The following GRIN3A variants were observed in gnomAD, a reference collection of about 807,000 sequenced individuals.
GRIN3A encodes the protein glutamate ionotropic receptor NMDA type subunit 3A.
In GRIN3A, 47 loss-of-function variants were observed where a neutral mutation model predicts 92.4. That is an observed-to-expected ratio of 0.51 (90% CI 0.40 to 0.65). The LOEUF (loss-of-function observed/expected upper bound fraction) is 0.65. Among genes scored for constraint, GRIN3A ranks in the 30% least tolerant of loss-of-function variants. The pLI, the probability that GRIN3A is intolerant of heterozygous loss-of-function variation, is 0.00. For missense variants in GRIN3A, 1,324 were observed against 1,393.1 expected, an observed-to-expected ratio of 0.95 and a Z score of 0.79; for synonymous variants, 527 against 540.6, an observed-to-expected ratio of 0.97 and a Z score of 0.35.
intron 3 of GRIN3A, among the ~76,000 whole-genome samples, chr9:101,656,555 C>T (rs146703817): frequency 1.3e-5 from 2 of 151,836 alleles, no homozygotes; most frequent in South Asian, 4.1e-4. Flanking sequence ...AGCTTTGCTT[C>T]TCTGATTGTA....
Position 101,572,810 on chromosome 9 carries a change from G to T in GRIN3A, c.*364C>A. 3.5e-6 allele frequency: 1 copy of T among 283,148 alleles called. No individual in the cohort carries two copies. The highest frequency in any genetic ancestry group is 6.9e-6 in the Non-Finnish European group (1 of 144,274). The allele number at this position is 283,148 out of a possible 1,614,324, so 17.5% of individuals were successfully genotyped here. A position where few individuals can be genotyped will look rare whatever the true frequency, so the allele number is the denominator to read the frequency against. On this transcript the variant is annotated 3_prime_UTR_variant, in exon 9 of 9. Transcript: ENST00000361820. ...CAGCAACCCAGTAAGACATAAGTGT[G>T]AGTAACAATTTTATCTCTTGTTGGT...
At chr9:101,633,764 A>C (rs549257743) in intron 3 of GRIN3A, among the ~76,000 whole-genome samples, 1 of 152,006 alleles carries the variant, frequency 6.6e-6, no homozygotes, top group African/African-American at 2.4e-5. Context: ...ATCCATGAAA[A>C]AATTGTCCAC....
chr9:101,594,678 A>T, intron 6 of GRIN3A: 2 of 1,614,122 alleles, frequency 1.2e-6, no homozygotes, highest in South Asian at 2.2e-5. Context: ...TTGACGCTGA[A>T]CTGGGAGGTC....
chr9:101,735,661 G>C (rs1398996398), intron 1 of GRIN3A, among the ~76,000 whole-genome samples: 1 of 151,874 alleles, frequency 6.6e-6, no homozygotes. Flanking sequence ...AAGAAGCAAT[G>C]ATAAGAAGCA....
chr9:101,631,973 A>G (rs1828721571), intron 3 of GRIN3A, among the ~76,000 whole-genome samples: 1 of 152,096 alleles, frequency 6.6e-6, no homozygotes. Flanking sequence ...TGGCTCCCCC[A>G]TGGCCCTTGG....
chr9:101,698,966 C>T (rs2118996981), intron 1 of GRIN3A, among the ~76,000 whole-genome samples: 1 of 152,222 alleles, frequency 6.6e-6, no homozygotes, highest in South Asian at 2.1e-4. Context: ...CTGCGCCTGG[C>T]CTACACTAAA....
At chr9:101,671,145 A>T in intron 2 of GRIN3A, 38 bp from the exon 3 acceptor site, 1 of 1,389,074 alleles carries the variant, frequency 7.2e-7, no homozygotes, top group African/African-American at 1.4e-5. Context: ...TAAGAAAAGC[A>T]GTGAGGCCTA....
At chr9:101,580,406 C>T (rs545418730) in intron 6 of GRIN3A, among the ~76,000 whole-genome samples, 9 of 152,156 alleles carry the variant, frequency 5.9e-5, no homozygotes, top group African/African-American at 7.2e-5. Context: ...TCTGGACCAC[C>T]TTATGGTCTC....
chr9:101,617,092 C>T (rs1157438418), intron 5 of GRIN3A, among the ~76,000 whole-genome samples: 1 of 147,942 alleles, frequency 6.8e-6, no homozygotes, highest in African/African-American at 2.5e-5. Context: ...CGCAGCTACT[C>T]GGGAGGCTGA....
At chr9:101,608,466 G>T (rs1828315132) in intron 6 of GRIN3A, among the ~76,000 whole-genome samples, 2 of 152,082 alleles carry the variant, frequency 1.3e-5, no homozygotes, top group African/African-American at 2.4e-5. Flanking sequence ...CATCTCAACA[G>T]TTTATGGCTT....
At chr9:101,730,374 C>T (rs1187088167) in intron 1 of GRIN3A, among the ~76,000 whole-genome samples, 3 of 152,022 alleles carry the variant, frequency 2.0e-5, no homozygotes, top group Non-Finnish European at 4.4e-5. Flanking sequence ...TGAATCTTGC[C>T]ACGTCAACAC....
At chr9:101,671,429 C>T (rs1444453208) in intron 2 of GRIN3A, among the ~76,000 whole-genome samples, 1 of 152,120 alleles carries the variant, frequency 6.6e-6, no homozygotes, top group Admixed American at 6.6e-5. Flanking sequence ...CTGTTAATTG[C>T]ATATTCTCAC....
chr9:101,657,144 G>A (rs1829100341), intron 3 of GRIN3A, among the ~76,000 whole-genome samples: 1 of 151,868 alleles, frequency 6.6e-6, no homozygotes, highest in Non-Finnish European at 1.5e-5. Context: ...AGAAATGACT[G>A]TTGGGGGTAC....
Position 101,686,780 on chromosome 9 carries a change from G to A in GRIN3A, c.1120C>T (p.Leu374Phe), listed in dbSNP as rs1167647836. The change falls in exon 2 of 9, where the codon CTC becomes TTC. Residue 374 changes from leucine (L) to phenylalanine (F), a missense_variant. Leu to Phe is a conservative substitution (Grantham distance 22, BLOSUM62 0). Transcript: ENST00000361820. ...TGTGTTGTTTTTCCATGAGCAATGAGCCCTAAGGGCAGACCCTCTGTCCTC... is the reference window on the plus strand; with the variant it reads ...TGTGTTGTTTTTCCATGAGCAATGAACCCTAAGGGCAGACCCTCTGTCCTC... ...ELRTEGLPLG[L>F]IAHGKTTQSV... is the part of the protein sequence containing the mutation. The A allele has an allele frequency of 1.9e-6, 3 of 1,614,020 alleles. No individual in the cohort carries two copies. The highest frequency in any genetic ancestry group is 2.5e-6 in the Non-Finnish European group (3 of 1,180,006).
At chr9:101,703,440 C>T (rs1247181510) in intron 1 of GRIN3A, among the ~76,000 whole-genome samples, 2 of 152,216 alleles carry the variant, frequency 1.3e-5, no homozygotes, top group African/African-American at 4.8e-5. Flanking sequence ...AATCTCCTCA[C>T]AGCACCACCC....
Position 101,615,068 on chromosome 9 carries a change from C to T in GRIN3A, c.2615-1541G>A, listed in dbSNP as rs1828425223. ...TCAGAGTTTTATTAGTCAGCTTAGA[C>T]TCTGTATCCTCACACTGTGTGGCTT... On this transcript the variant is annotated intron_variant, in intron 5 of 8. Coordinates refer to ENST00000361820, the MANE Select transcript of GRIN3A (RefSeq NM_133445.3). Among the ~76,000 whole-genome samples the T allele has an allele frequency of 3.9e-5, 6 of 151,918 alleles. No individual in the cohort carries two copies. The South Asian group carries it at 1.2e-3, about 31-fold the overall frequency.
intron 5 of GRIN3A, among the ~76,000 whole-genome samples, chr9:101,616,867 T>C (rs1374034291): frequency 7.3e-6 from 1 of 136,612 alleles, no homozygotes; most frequent in Non-Finnish European, 1.5e-5. Context: ...AATGTGCACA[T>C]GTACCCTAAA....
intron 2 of GRIN3A, among the ~76,000 whole-genome samples, chr9:101,680,963 G>T (rs1262876775): frequency 6.6e-6 from 1 of 152,158 alleles, no homozygotes; most frequent in Non-Finnish European, 1.5e-5. Flanking sequence ...AAGGGTTAGG[G>T]ACTTCTTAGG....
chr9:101,607,494 G>A (rs994276277), intron 6 of GRIN3A, among the ~76,000 whole-genome samples: 2 of 152,162 alleles, frequency 1.3e-5, no homozygotes, highest in Non-Finnish European at 2.9e-5. Flanking sequence ...TGTTGGGAGG[G>A]GAACCATCCG....
Sources: gnomAD v4.1 joint callset for allele counts (sites outside exome capture counted in the v4.1 genomes callset) on GRCh38, gnomAD v4.1.1 for gene constraint, MANE v1.5 for transcripts, NCBI Gene and HGNC (gene_info 2026-07-23, HGNC 2026-07-21) for gene names.